Variants in FAM78B observed in about 807,000 individuals in gnomAD.
FAM78B encodes the protein protein FAM78B.
In FAM78B, 10 loss-of-function variants were observed where a neutral mutation model predicts 20.0. The ratio of observed to expected loss-of-function variants is 0.50; its 90% CI spans 0.31 to 0.85. The LOEUF is 0.85. FAM78B is among the 40% of genes least tolerant of loss of function. FAM78B has a pLI of 0.05. For missense variants in FAM78B, 283 were observed against 345.0 expected (o/e 0.82, Z 1.42); for synonymous variants, 135 against 132.8 (o/e 1.02, Z -0.12).
exon 3 of FAM78B, chr1:166,059,575 G>A (rs41269658): frequency 0.15 from 23,007 of 152,212 alleles, 2,249 homozygotes; most frequent in East Asian, 0.43. Flanking sequence ...AGAGCAGAAT[G>A]AGAAGTTTTG....
At chr1:166,104,195 G>A (rs1461628543) in intron 1 of FAM78B, among the ~76,000 whole-genome samples, 1 of 152,126 alleles carries the variant, frequency 6.6e-6, no homozygotes, top group African/African-American at 2.4e-5. Flanking sequence ...GTATTGATGG[G>A]ACGTATCTCA....
At chr1:166,071,445 A>G (rs1438253140) in intron 1 of FAM78B, among the ~76,000 whole-genome samples, 2 of 152,166 alleles carry the variant, frequency 1.3e-5, no homozygotes, top group African/African-American at 2.4e-5. Context: ...TCCAGCCTGG[A>G]AGCCTCACAG....
chr1:166,065,424 T>C (rs879364217), downstream of FAM78B, among the ~76,000 whole-genome samples: 1 of 152,212 alleles, frequency 6.6e-6, no homozygotes, highest in Admixed American at 6.5e-5. Context: ...AACATACTAA[T>C]CAGATGGGTG....
At chr1:166,143,426 CCAGAGATGTTT>C (rs1387846505) in intron 1 of FAM78B, among the ~76,000 whole-genome samples, 1 of 151,952 alleles carries the variant, frequency 6.6e-6, no homozygotes, top group African/African-American at 2.4e-5. Context: ...TGAAGACAGG[CCAGAGATGTTT>C]CAGAGATGTT....
chr1:166,150,008 C>A (rs530220801), intron 1 of FAM78B, among the ~76,000 whole-genome samples: 37 of 152,292 alleles, frequency 2.4e-4, no homozygotes, highest in African/African-American at 7.9e-4. Flanking sequence ...GCAAAGTGAG[C>A]CTTGGGGGTA....
intron 1 of FAM78B, among the ~76,000 whole-genome samples, chr1:166,139,528 CAG>C (rs1557914416): frequency 1.3e-5 from 2 of 151,958 alleles, no homozygotes; most frequent in African/African-American, 4.8e-5. Context: ...GATAGAGGGG[CAG>C]AGTCGAGAGG....
chr1:166,084,205 C>CCACACACACACACACACACACA (rs374157991), intron 1 of FAM78B, among the ~76,000 whole-genome samples: 7 of 121,160 alleles, frequency 5.8e-5, no homozygotes, highest in African/African-American at 1.6e-4. Flanking sequence ...GATGTAGAAA[C>CCACACACACACACACACACACA]CACACACACA....
At chr1:166,143,321 G>A (rs1171244564) in intron 1 of FAM78B, among the ~76,000 whole-genome samples, 2 of 152,014 alleles carry the variant, frequency 1.3e-5, no homozygotes, top group African/African-American at 2.4e-5. Context: ...AGCCTGGCTG[G>A]GGAACAGCAT....
At chr1:166,068,251 G>A (rs1042257844), downstream of FAM78B, among the ~76,000 whole-genome samples, 10 of 152,144 alleles carry the variant, frequency 6.6e-5, no homozygotes, top group Admixed American at 6.5e-4. Context: ...AAAATAAGCT[G>A]CTTTGTACTT....
chr1:166,072,224 A>G (rs1652077714), intron 1 of FAM78B, among the ~76,000 whole-genome samples: 1 of 152,118 alleles, frequency 6.6e-6, no homozygotes, highest in Non-Finnish European at 1.5e-5. Context: ...ACATGGAGAC[A>G]CTAACCACTG....
intron 1 of FAM78B, among the ~76,000 whole-genome samples, chr1:166,090,001 T>C (rs1293587601): frequency 6.6e-6 from 1 of 152,156 alleles, no homozygotes; most frequent in East Asian, 1.9e-4. Flanking sequence ...ATTATAAAGT[T>C]GAACAGCAGA....
intron 1 of FAM78B, among the ~76,000 whole-genome samples, chr1:166,104,518 A>C (rs1307205015): frequency 6.6e-6 from 1 of 152,230 alleles, no homozygotes; most frequent in Non-Finnish European, 1.5e-5. Context: ...TCAGGATACA[A>C]AATCAATGTG....
intron 1 of FAM78B, among the ~76,000 whole-genome samples, chr1:166,143,779 T>C (rs1395085837): frequency 6.6e-6 from 1 of 152,120 alleles, no homozygotes; most frequent in Non-Finnish European, 1.5e-5. Context: ...ACAACAGAAC[T>C]GCATATACTA....
intron 1 of FAM78B, among the ~76,000 whole-genome samples, chr1:166,116,744 GAAAA>G (rs1449119607): frequency 6.6e-6 from 1 of 152,194 alleles, no homozygotes; most frequent in Non-Finnish European, 1.5e-5. Flanking sequence ...CTCTTCAGCT[GAAAA>G]ATCCCCTTTC....
chr1:166,122,793 T>C (rs1180075584), intron 1 of FAM78B, among the ~76,000 whole-genome samples: 2 of 152,254 alleles, frequency 1.3e-5, no homozygotes, highest in African/African-American at 4.8e-5. Context: ...ATATAAAATA[T>C]GCTTTAAAAA....
intron 1 of FAM78B, among the ~76,000 whole-genome samples, chr1:166,143,522 T>G (rs991144241): frequency 2.0e-5 from 3 of 152,112 alleles, no homozygotes; most frequent in African/African-American, 7.2e-5. Context: ...AATTTCATCT[T>G]GAAGGGAATG....
chr1:166,148,784 T>C (rs1470561658), intron 1 of FAM78B, among the ~76,000 whole-genome samples: 1 of 152,252 alleles, frequency 6.6e-6, no homozygotes. Context: ...AGCTAGGTTA[T>C]TCCTGTAGAC....
At chr1:166,130,786 A>G (rs368011328) in intron 1 of FAM78B, among the ~76,000 whole-genome samples, 2 of 152,176 alleles carry the variant, frequency 1.3e-5, no homozygotes, top group African/African-American at 4.8e-5. Flanking sequence ...TACAGGCCTA[A>G]GCCCCGGTTC....
chr1:166,066,107 G>A (rs754327399), downstream of FAM78B, among the ~76,000 whole-genome samples: 7 of 152,184 alleles, frequency 4.6e-5, no homozygotes, highest in Admixed American at 6.5e-5. Context: ...GAGGGACGGC[G>A]GGTGGCAGGG....
Sources: allele counts gnomAD v4.1 joint callset (sites outside exome capture counted in the v4.1 genomes callset), GRCh38; gene constraint gnomAD v4.1.1; transcripts MANE v1.5; gene names NCBI Gene and HGNC (gene_info 2026-07-23, HGNC 2026-07-21).